The following ATP6V1H variants were observed in gnomAD, a reference collection of about 807,000 sequenced individuals.
ATP6V1H encodes V-type proton ATPase subunit H.
ATP6V1H carries 39 observed loss-of-function variants against 71.7 expected under a neutral mutation model. That is an observed-to-expected ratio of 0.54 (90% confidence interval 0.42 to 0.71). The LOEUF (loss-of-function observed/expected upper bound fraction) is 0.71. ATP6V1H is among the 30% of genes least tolerant of loss of function. ATP6V1H has a pLI of 0.00. For synonymous variants in ATP6V1H, 192 were observed against 199.3 expected (o/e 0.96, Z 0.31); for missense variants, 509 against 594.9 (o/e 0.86, Z 1.50).
chr8:53,828,347 C>A (rs894533849), intron 4 of ATP6V1H, among the ~76,000 whole-genome samples: 2 of 152,094 alleles, frequency 1.3e-5, no homozygotes. Context: ...GACAAAGAAC[C>A]CTGTGGTGCT....
At chr8:53,771,855 GGAGACAT>G (rs1337223087) in intron 10 of ATP6V1H, 127 bp downstream of exon 10, 1 of 730,348 alleles carries the variant, frequency 1.4e-6, no homozygotes, top group African/African-American at 1.8e-5. Flanking sequence ...TGTCTTCTCA[GGAGACAT>G]TAACGTATTT....
intron 4 of ATP6V1H, among the ~76,000 whole-genome samples, chr8:53,820,631 C>T (rs1810619519): frequency 6.8e-6 from 1 of 147,480 alleles, no homozygotes; most frequent in Non-Finnish European, 1.5e-5. Context: ...GGCGCCATTG[C>T]ATTCCAGCCT....
chr8:53,819,972 C>T (rs1391741460), intron 4 of ATP6V1H, among the ~76,000 whole-genome samples: 1 of 151,572 alleles, frequency 6.6e-6, no homozygotes, highest in Non-Finnish European at 1.5e-5. Flanking sequence ...AACCCATGCC[C>T]TCAGGATAAC....
intron 2 of ATP6V1H, among the ~76,000 whole-genome samples, chr8:53,838,483 C>T (rs1811237350): frequency 6.6e-6 from 1 of 152,136 alleles, no homozygotes; most frequent in Non-Finnish European, 1.5e-5. Flanking sequence ...TATTTGCTCC[C>T]ACTTTTTGTT....
At chr8:53,821,069 A>G (rs1393297590) in intron 4 of ATP6V1H, among the ~76,000 whole-genome samples, 1 of 108,586 alleles carries the variant, frequency 9.2e-6, no homozygotes, top group East Asian at 6.5e-4. Flanking sequence ...ATCTCACCAG[A>G]AAAAAAAAAA....
At position 53,715,983 on chromosome 8, in the gene ATP6V1H, G is replaced by A; in HGVS notation, c.1433C>T (p.Thr478Ile). Residue 478 changes from threonine (T) to isoleucine (I), a missense_variant, in exon 14 of 14, where the codon ACC (threonine) becomes ATC (isoleucine). By Grantham distance (89) the Thr-to-Ile change is moderately conservative. Around this residue, in one of 2 missense-constraint regions of ATP6V1H, gnomAD observed 212 missense variants for 291.6 expected, o/e 0.73. Transcript: ENST00000359530. Reference protein sequence around the residue: ...GKQLQSEQPQTAAARS With the variant: ...GKQLQSEQPQIAAARS ...GCAGGCTTAGCTTCGGGCGGCAGCGGTCTGGGGCTGCTCGGACTGGAGCTG... is the reference window on the plus strand; with the variant it reads ...GCAGGCTTAGCTTCGGGCGGCAGCGATCTGGGGCTGCTCGGACTGGAGCTG... 3 of 1,608,174 alleles carry A rather than the reference G, an allele frequency of 1.9e-6. No homozygotes were observed. Among genetic ancestry groups the A allele is most frequent in the South Asian group, 2.2e-5 (2 of 89,066 alleles).
chr8:53,727,762 G>C lies in ATP6V1H; in HGVS notation c.1392-11738C>G, dbSNP rs57017768. Among the ~76,000 whole-genome samples, 402 of 152,154 alleles carry C rather than the reference G, an allele frequency of 2.6e-3. 1 individual carries two copies. Among genetic ancestry groups the C allele is most frequent in the African/African-American group, 9.1e-3 (376 of 41,510 alleles). Reference sequence around the variant, plus strand: ...ATTTCCAGCTTTTGAATTTCTCCTTGGCTAGAACGCAGAAACATAAAATTC... The same window carrying C: ...ATTTCCAGCTTTTGAATTTCTCCTTCGCTAGAACGCAGAAACATAAAATTC... On this transcript the variant is annotated intron_variant, in intron 13 of 13. Transcript: ENST00000359530.
chr8:53,823,476 T>C (rs1810725301), intron 4 of ATP6V1H, among the ~76,000 whole-genome samples: 2 of 152,120 alleles, frequency 1.3e-5, no homozygotes, highest in Admixed American at 1.3e-4. Context: ...ATTTAAATAC[T>C]TAATTTTTGG....
At chr8:53,818,241 T>G (rs967422380) in intron 4 of ATP6V1H, among the ~76,000 whole-genome samples, 7 of 152,182 alleles carry the variant, frequency 4.6e-5, no homozygotes, top group African/African-American at 1.2e-4. Context: ...GTAGCAATAC[T>G]TTTTCTGATT....
intron 2 of ATP6V1H, among the ~76,000 whole-genome samples, chr8:53,840,391 G>A (rs1012427775): frequency 4.6e-5 from 7 of 152,002 alleles, no homozygotes; most frequent in Admixed American, 1.3e-4. Flanking sequence ...CCAGCTACTC[G>A]GGAGGCTGAG....
chr8:53,761,904 T>C (rs1442147903), intron 11 of ATP6V1H, among the ~76,000 whole-genome samples: 3 of 152,070 alleles, frequency 2.0e-5, no homozygotes, highest in African/African-American at 7.2e-5. Context: ...CAATAAAATA[T>C]TGAAGCGGAA....
chr8:53,756,753 CATTT>C, intron 11 of ATP6V1H, 97 bp from the exon 12 acceptor site: 2 of 723,526 alleles, frequency 2.8e-6, no homozygotes, highest in South Asian at 4.2e-5. Context: ...TGAAAATAGA[CATTT>C]ATTAATATAT....
intron 12 of ATP6V1H, among the ~76,000 whole-genome samples, chr8:53,752,348 G>A (rs1585746221): frequency 6.6e-6 from 1 of 152,118 alleles, no homozygotes. Context: ...TCTTGCTTTT[G>A]TTTGAATGGG....
chr8:53,833,437 C>T (rs1459952858), intron 2 of ATP6V1H, among the ~76,000 whole-genome samples: 2 of 152,050 alleles, frequency 1.3e-5, no homozygotes, highest in Non-Finnish European at 2.9e-5. Context: ...GTGTCTCACC[C>T]TTATTCCCCC....
At chr8:53,801,215 T>A (rs1446746629) in intron 8 of ATP6V1H, among the ~76,000 whole-genome samples, 1 of 150,692 alleles carries the variant, frequency 6.6e-6, no homozygotes, top group Non-Finnish European at 1.5e-5. Flanking sequence ...TAAACTCCTC[T>A]GTAGATTTTC....
intron 13 of ATP6V1H, among the ~76,000 whole-genome samples, chr8:53,730,331 AGACTT>A (rs1806974845): frequency 6.6e-6 from 1 of 152,252 alleles, no homozygotes; most frequent in South Asian, 2.1e-4. Context: ...AAACATGTCT[AGACTT>A]CGTTCAACTA....
chr8:53,787,438 T>G (rs1391982015), intron 9 of ATP6V1H, among the ~76,000 whole-genome samples: 1 of 152,264 alleles, frequency 6.6e-6, no homozygotes, highest in Non-Finnish European at 1.5e-5. Context: ...GAAAAATGCA[T>G]GTACATGCGT....
chr8:53,764,463 TTTAAC>T (rs1808380253), intron 11 of ATP6V1H, among the ~76,000 whole-genome samples: 1 of 152,094 alleles, frequency 6.6e-6, no homozygotes, highest in African/African-American at 2.4e-5. Context: ...ATTTGACAAA[TTTAAC>T]ATCCATTCAT....
At chr8:53,763,260 A>C (rs977857166) in intron 11 of ATP6V1H, among the ~76,000 whole-genome samples, 1 of 152,242 alleles carries the variant, frequency 6.6e-6, no homozygotes, top group South Asian at 2.1e-4. Context: ...AGGTTTCATA[A>C]GTTCAATCTA....
Sources: gnomAD v4.1 joint callset for allele counts (sites outside exome capture counted in the v4.1 genomes callset) on GRCh38, gnomAD v4.1.1 for gene constraint, gnomAD v4.1.1 regional missense constraint, MANE v1.5 for transcripts, NCBI Gene and HGNC (gene_info 2026-07-23, HGNC 2026-07-21) for gene names.